DCDC1: variants seen among roughly 807,000 people sequenced by gnomAD.
DCDC1 encodes the protein doublecortin domain-containing protein 1.
Under a neutral mutation model 178.3 loss-of-function variants are expected in DCDC1, and 200 were observed. The ratio of observed to expected loss-of-function variants is 1.12; its 90% confidence interval spans 1.00 to 1.26. The LOEUF is 1.26. DCDC1 is among the 50% of genes most tolerant of loss of function. The probability of loss-of-function intolerance (pLI) is 0.00; values close to 1 mark genes in which losing one functional copy is unlikely to be tolerated. For missense variants in DCDC1, 1,983 were observed against 1,749.2 expected (o/e 1.13, Z -2.38); for synonymous variants, 690 against 604.8 (o/e 1.14, Z -2.07).
At chr11:31,091,782 T>C (rs1453361126) in intron 16 of DCDC1, among the ~76,000 whole-genome samples, 1 of 152,152 alleles carries the variant, frequency 6.6e-6, no homozygotes, top group Non-Finnish European at 1.5e-5. Flanking sequence ...TGTGCATATT[T>C]CACAGTGCAG....
chr11:30,880,017 G>C (rs1004438021), intron 37 of DCDC1, among the ~76,000 whole-genome samples: 1 of 152,102 alleles, frequency 6.6e-6, no homozygotes, highest in African/African-American at 2.4e-5. Flanking sequence ...ATTATTTCAC[G>C]TGTGTTCATA....
chr11:31,223,267 T>C (rs922065759), intron 9 of DCDC1, among the ~76,000 whole-genome samples: 6 of 152,148 alleles, frequency 3.9e-5, no homozygotes, highest in African/African-American at 1.4e-4. Context: ...TTGATCTCTT[T>C]AGCATTGCTC....
intron 3 of DCDC1, among the ~76,000 whole-genome samples, chr11:31,308,239 C>G (rs1001207191): frequency 6.6e-6 from 1 of 152,182 alleles, no homozygotes; most frequent in Admixed American, 6.5e-5. Context: ...CTTAATTCAA[C>G]CAAAAGGAAG....
chr11:31,103,429 C>T (rs1264966244), intron 14 of DCDC1, among the ~76,000 whole-genome samples: 2 of 152,126 alleles, frequency 1.3e-5, no homozygotes, highest in African/African-American at 4.8e-5. Flanking sequence ...TCGCTCATGG[C>T]CCCATATGGT....
chr11:31,048,127 T>C (rs56184039), intron 20 of DCDC1, among the ~76,000 whole-genome samples: 2,285 of 152,162 alleles, frequency 0.015, 51 homozygotes, highest in African/African-American at 0.051. Context: ...ATACAGTGAG[T>C]ACTTAGGAGA....
At chr11:31,092,305 G>A (rs1205619601) in intron 16 of DCDC1, among the ~76,000 whole-genome samples, 4 of 152,160 alleles carry the variant, frequency 2.6e-5, no homozygotes, top group Admixed American at 6.5e-5. Context: ...GATGACTTAC[G>A]AAAAATATTT....
chr11:31,285,339 T>G (rs1381537818), intron 7 of DCDC1, among the ~76,000 whole-genome samples: 1 of 152,150 alleles, frequency 6.6e-6, no homozygotes, highest in Non-Finnish European at 1.5e-5. Flanking sequence ...TCTTCATATT[T>G]CATAAAAAGC....
intron 8 of DCDC1, among the ~76,000 whole-genome samples, chr11:31,258,274 A>C (rs1944546765): frequency 1.3e-5 from 2 of 152,182 alleles, no homozygotes; most frequent in African/African-American, 4.8e-5. Context: ...TAATTAACGG[A>C]AGTGAAAATA....
intron 1 of DCDC1, among the ~76,000 whole-genome samples, chr11:31,359,317 G>A (rs188342048): frequency 2.0e-5 from 3 of 150,624 alleles, no homozygotes; most frequent in Admixed American, 6.6e-5. Flanking sequence ...CATCATTCTC[G>A]GTAAACTATC....
At chr11:30,982,212 T>A (rs1950423980) in intron 20 of DCDC1, among the ~76,000 whole-genome samples, 1 of 152,178 alleles carries the variant, frequency 6.6e-6, no homozygotes, top group South Asian at 2.1e-4. Flanking sequence ...TTAAAGCACC[T>A]CTTGAGAACA....
chr11:31,215,154 G>A (rs1334460462), intron 9 of DCDC1: 1 of 255,856 alleles, frequency 3.9e-6, no homozygotes, highest in Non-Finnish European at 7.9e-6. Context: ...TTTCTTAGAA[G>A]TGCAGTGGCT....
rs72888131 is a variant in DCDC1, at chr11:31,264,485, G to A, written c.1054+1022C>T. Among the ~76,000 whole-genome samples, 1,108 of 152,260 alleles carry A rather than the reference G, an allele frequency of 7.3e-3. 8 individuals are homozygous for A. Among genetic ancestry groups the A allele is most frequent in the Non-Finnish European group, 0.012 (793 of 68,022 alleles). On this transcript the variant is annotated intron_variant, in intron 8 of 38. Coordinates refer to ENST00000684477, the MANE Select transcript of DCDC1 (RefSeq NM_001387274.1). ...AGAGAACAGAGTACAATGGTTAAAC[G>A]CTGCTACTGGAGCCAGCCTGCCAAG...
intron 20 of DCDC1, among the ~76,000 whole-genome samples, chr11:30,981,651 G>A (rs1293448655): frequency 6.6e-6 from 1 of 152,086 alleles, no homozygotes; most frequent in East Asian, 1.9e-4. Flanking sequence ...CTTGTGTGTT[G>A]GCACTATTGG....
chr11:31,357,694 G>A (rs1951459987), intron 1 of DCDC1, among the ~76,000 whole-genome samples: 2 of 152,038 alleles, frequency 1.3e-5, no homozygotes, highest in Admixed American at 6.5e-5. Context: ...AAACCCCATT[G>A]TCTCAGCCCA....
intron 11 of DCDC1, among the ~76,000 whole-genome samples, chr11:31,123,022 T>C (rs924497793): frequency 6.6e-5 from 10 of 151,974 alleles, no homozygotes; most frequent in African/African-American, 1.7e-4. Flanking sequence ...AAAGCAGCCA[T>C]AGACAATACA....
At chr11:31,081,550 C>A (rs575299648) in intron 17 of DCDC1, among the ~76,000 whole-genome samples, 1 of 151,640 alleles carries the variant, frequency 6.6e-6, no homozygotes, top group Non-Finnish European at 1.5e-5. Flanking sequence ...GCGGAGGTTG[C>A]GGTGAGCCAA....
rs374667162 is a variant in DCDC1 at position 31,116,644 on chromosome 11, T to C, written c.1486-6283A>G. 7.7e-3 allele frequency among the ~76,000 whole-genome samples: 1,174 copies of C among 152,110 alleles called. 5 individuals are homozygous for C. Among genetic ancestry groups the C allele is most frequent in the Middle Eastern group, 0.02 (6 of 294 alleles). On this transcript the variant is annotated intron_variant, in intron 11 of 38. Coordinates refer to ENST00000684477, the MANE Select transcript of DCDC1 (RefSeq NM_001387274.1). ...CAAAGTGATAATGACAAACCAAATA[T>C]TAAAATTATGGGATTCTGGCAACAA...
intron 6 of DCDC1, among the ~76,000 whole-genome samples, chr11:31,292,848 A>G (rs1445496492): frequency 5.7e-5 from 1 of 17,414 alleles, no homozygotes; most frequent in Non-Finnish European, 1.1e-4. Flanking sequence ...TTTCTCTGGG[A>G]AAAAAAAAAA....
At chr11:31,305,464 T>C (rs1343402716) in intron 6 of DCDC1, 151 bp downstream of exon 6, 1 of 996,644 alleles carries the variant, frequency 1.0e-6, no homozygotes, top group Non-Finnish European at 1.4e-6. Flanking sequence ...TTTCTTTCAT[T>C]AAGCACATTA....
Sources: gnomAD v4.1 joint callset for allele counts (sites outside exome capture counted in the v4.1 genomes callset) on GRCh38, gnomAD v4.1.1 for gene constraint, MANE v1.5 for transcripts, NCBI Gene and HGNC (gene_info 2026-07-23, HGNC 2026-07-21) for gene names.